The following XYLT1 variants were observed in gnomAD, a reference collection of about 807,000 sequenced individuals.
XYLT1 encodes the protein xylosyltransferase 1.
In XYLT1, 36 loss-of-function variants were observed where a neutral mutation model predicts 91.3. The ratio of observed to expected loss-of-function variants is 0.39; its 90% CI spans 0.30 to 0.52. XYLT1 has a LOEUF of 0.52. XYLT1 is among the 20% of genes least tolerant of loss of function. The pLI, the probability that XYLT1 is intolerant of heterozygous loss-of-function variation, is 0.68. For synonymous variants in XYLT1, 588 were observed against 532.0 expected (o/e 1.11, Z -1.45); for missense variants, 1,242 against 1,284.5 (o/e 0.97, Z 0.51).
intron 2 of XYLT1, among the ~76,000 whole-genome samples, chr16:17,342,840 A>C (rs1438328090): frequency 6.6e-6 from 1 of 152,242 alleles, no homozygotes; most frequent in Admixed American, 6.5e-5. Context: ...TCCAGAACGT[A>C]GTAGGCACTC....
chr16:17,177,798 A>G (rs1474820557), intron 5 of XYLT1, among the ~76,000 whole-genome samples: 1 of 152,198 alleles, frequency 6.6e-6, no homozygotes, highest in Admixed American at 6.5e-5. Flanking sequence ...GGATTTATAG[A>G]AAGTACTAGA....
At chr16:17,340,399 T>A (rs2035049315) in intron 2 of XYLT1, among the ~76,000 whole-genome samples, 1 of 152,258 alleles carries the variant, frequency 6.6e-6, no homozygotes, top group East Asian at 1.9e-4. Flanking sequence ...TGCCACCACA[T>A]GGGCTGGGGC....
intron 3 of XYLT1, among the ~76,000 whole-genome samples, chr16:17,229,497 T>G (rs551482875): frequency 2.0e-5 from 3 of 152,222 alleles, no homozygotes; most frequent in Non-Finnish European, 4.4e-5. Flanking sequence ...CCCAGCCTTA[T>G]GGCTTATGCT....
At position 17,107,459 on chromosome 16, in the gene XYLT1, C is replaced by G. The variant is rs1255952536; in HGVS notation, c.*1236G>C. On this transcript the variant is annotated 3_prime_UTR_variant, in exon 12 of 12. Transcript: ENST00000261381. ...CTTTTGGGTTTCTGGTAACTCAACACTTAAATCATACTGTTTTTTGTTGTT... is the reference window on the plus strand; with the variant it reads ...CTTTTGGGTTTCTGGTAACTCAACAGTTAAATCATACTGTTTTTTGTTGTT... 6.6e-6 allele frequency: 1 copy of G among 152,628 alleles called. No homozygotes were observed. Among genetic ancestry groups the G allele is most frequent in the Non-Finnish European group, 1.5e-5 (1 of 68,052 alleles). 9.5% of individuals were successfully genotyped at this position (152,628 alleles called of 1,614,324 possible). A position where few individuals can be genotyped will look rare whatever the true frequency, so the allele number is the denominator to read the frequency against.
intron 3 of XYLT1, among the ~76,000 whole-genome samples, chr16:17,223,312 G>A (rs1224962064): frequency 6.6e-6 from 1 of 152,244 alleles, no homozygotes; most frequent in African/African-American, 2.4e-5. Flanking sequence ...CAGGGGCCAG[G>A]GGGCTGGAAA....
At chr16:17,215,653 G>A (rs913796635) in intron 3 of XYLT1, among the ~76,000 whole-genome samples, 21 of 152,186 alleles carry the variant, frequency 1.4e-4, no homozygotes, top group African/African-American at 3.6e-4. Context: ...GGCCAGGGAT[G>A]TGCCCCTTAG....
At chr16:17,147,064 C>G (rs1230233583) in intron 6 of XYLT1, among the ~76,000 whole-genome samples, 1 of 152,184 alleles carries the variant, frequency 6.6e-6, no homozygotes, top group Non-Finnish European at 1.5e-5. Flanking sequence ...AGGGGTCAGA[C>G]AGACAATGGA....
At chr16:17,356,627 G>A (rs896416915) in intron 2 of XYLT1, among the ~76,000 whole-genome samples, 1 of 152,100 alleles carries the variant, frequency 6.6e-6, no homozygotes, top group Admixed American at 6.5e-5. Context: ...GGCCAGGGGA[G>A]CAGGTGGTCT....
chr16:17,179,409 G>A (rs770457528), intron 5 of XYLT1, among the ~76,000 whole-genome samples: 7 of 152,158 alleles, frequency 4.6e-5, no homozygotes, highest in Non-Finnish European at 7.3e-5. Flanking sequence ...TTGATCCCTC[G>A]CCTGATAACT....
chr16:17,222,937 A>G (rs2032996238), intron 3 of XYLT1, among the ~76,000 whole-genome samples: 1 of 151,938 alleles, frequency 6.6e-6, no homozygotes, highest in African/African-American at 2.4e-5. Flanking sequence ...GGAAAGAGGA[A>G]TCAAGAACAC....
chr16:17,297,346 C>G (rs1182050585), intron 2 of XYLT1, among the ~76,000 whole-genome samples: 1 of 152,082 alleles, frequency 6.6e-6, no homozygotes, highest in African/African-American at 2.4e-5. Flanking sequence ...GCAGGAGGAT[C>G]ACTTGAGGCC....
At position 17,390,662 on chromosome 16, in the gene XYLT1, T is replaced by C. The variant is rs563463605; in HGVS notation, c.364-32612A>G. On this transcript the variant is annotated intron_variant, in intron 1 of 11. Coordinates refer to ENST00000261381, the MANE Select transcript of XYLT1 (RefSeq NM_022166.4). ...CTAACTTTCAGAGACATTTAGTTTA[T>C]ACTTTAAAAGATAACAGTCCTTCCC... 5.3e-4 allele frequency among the ~76,000 whole-genome samples: 80 copies of C among 152,354 alleles called. 2 individuals are homozygous for C. In the South Asian group the frequency reaches 0.014, roughly 26 times the overall value.
At chr16:17,433,403 A>T (rs191373450) in intron 1 of XYLT1, among the ~76,000 whole-genome samples, 2 of 152,294 alleles carry the variant, frequency 1.3e-5, no homozygotes, top group African/African-American at 4.8e-5. Flanking sequence ...TTTTGGGAAA[A>T]ACAATATTTC....
At chr16:17,140,246 CT>C (rs2030924432) in intron 7 of XYLT1, among the ~76,000 whole-genome samples, 1 of 152,206 alleles carries the variant, frequency 6.6e-6, no homozygotes, top group African/African-American at 2.4e-5. Flanking sequence ...TGGAGTATGA[CT>C]TATGAAACCA....
intron 6 of XYLT1, among the ~76,000 whole-genome samples, chr16:17,153,891 G>A (rs1022667268): frequency 1.3e-5 from 2 of 152,136 alleles, no homozygotes; most frequent in Non-Finnish European, 2.9e-5. Flanking sequence ...CCTCGAGAGC[G>A]TAAACCTGCA....
At chr16:17,386,823 A>G (rs372572047) in intron 1 of XYLT1, among the ~76,000 whole-genome samples, 1 of 152,332 alleles carries the variant, frequency 6.6e-6, no homozygotes, top group African/African-American at 2.4e-5. Context: ...TAACCCAATA[A>G]GGCAGGTGTA....
intron 2 of XYLT1, among the ~76,000 whole-genome samples, chr16:17,328,817 G>T (rs1224772983): frequency 1.2e-4 from 19 of 152,080 alleles, no homozygotes. Context: ...ATTTGAGAAG[G>T]CAGGAAAATA....
At chr16:17,138,283 G>A in intron 8 of XYLT1, 72 bp downstream of exon 8, 1 of 1,560,276 alleles carries the variant, frequency 6.4e-7, no homozygotes, top group Non-Finnish European at 8.7e-7. Context: ...TGCAGGTCTG[G>A]CCTTGGATTT....
At chr16:17,423,296 C>G (rs2036272036) in intron 1 of XYLT1, among the ~76,000 whole-genome samples, 1 of 152,160 alleles carries the variant, frequency 6.6e-6, no homozygotes, top group African/African-American at 2.4e-5. Context: ...GAAATTGCCC[C>G]AAAACACAGG....
Sources: gnomAD v4.1 joint callset for allele counts (sites outside exome capture counted in the v4.1 genomes callset) on GRCh38, gnomAD v4.1.1 for gene constraint, MANE v1.5 for transcripts, NCBI Gene and HGNC (gene_info 2026-07-23, HGNC 2026-07-21) for gene names.